The following SLC25A13 variants were observed in gnomAD, a reference collection of about 807,000 sequenced individuals.
The protein encoded by SLC25A13 is solute carrier family 25 member 13, also known as electrogenic aspartate/glutamate antiporter SLC25A13, mitochondrial.
SLC25A13 carries 70 observed loss-of-function variants against 85.5 expected under a neutral mutation model. The ratio of observed to expected loss-of-function variants is 0.82; its 90% CI spans 0.68 to 1.00. The LOEUF is 1.00. Ranked by LOEUF, SLC25A13 falls within the 50% of genes least tolerant of loss-of-function variation. SLC25A13 has a pLI of 0.00. For missense variants in SLC25A13, 765 were observed against 819.8 expected (o/e 0.93, Z 0.82); for synonymous variants, 259 against 288.7 (o/e 0.90, Z 1.04).
intron 2 of SLC25A13, among the ~76,000 whole-genome samples, chr7:96,289,952 T>A (rs1443144289): frequency 1.3e-5 from 2 of 152,062 alleles, no homozygotes; most frequent in African/African-American, 4.8e-5. Context: ...CCAAGACACA[T>A]AACTGTCAGA....
At chr7:96,283,710 ACCT>A in intron 2 of SLC25A13, 1 of 279,630 alleles carries the variant, frequency 3.6e-6, no homozygotes, top group East Asian at 1.1e-4. Flanking sequence ...AAGAAGGTGT[ACCT>A]GGTGTCAGCC....
Position 96,168,098 on chromosome 7 carries a change from GAAAAAAA to G in SLC25A13, c.1311+1940_1311+1946del, listed in dbSNP as rs543491037. 1.4e-3 allele frequency among the ~76,000 whole-genome samples: 27 copies of G among 19,712 alleles called. No homozygotes were observed. The South Asian group carries it at 0.036, about 26-fold the overall frequency. 12.9% of individuals were successfully genotyped at this position (19,712 alleles called of 152,430 possible). A position where few individuals can be genotyped will look rare whatever the true frequency, so the allele number is the denominator to read the frequency against. On this transcript the variant is annotated intron_variant, in intron 13 of 17. Transcript: ENST00000265631. ...CTGGTGACAGAGCGAAACTCTGTCT[GAAAAAAA>G]AAAAAAAAAAAAAAAAAAAAAAAAG...
intron 3 of SLC25A13, among the ~76,000 whole-genome samples, chr7:96,255,872 A>T (rs1214909299): frequency 6.6e-6 from 1 of 152,190 alleles, no homozygotes; most frequent in Non-Finnish European, 1.5e-5. Context: ...CTAACAGTGA[A>T]TCTCTCTGCA....
At chr7:96,181,222 T>G (rs1279692519) in intron 11 of SLC25A13, among the ~76,000 whole-genome samples, 4 of 152,088 alleles carry the variant, frequency 2.6e-5, no homozygotes, top group Admixed American at 1.3e-4. Context: ...GGAGAGAGGC[T>G]CCTGGAAATA....
Position 96,193,197 on chromosome 7 carries a change from A to G in SLC25A13, c.469-14T>C. On this transcript the variant is annotated splice_polypyrimidine_tract_variant and intron_variant, in intron 5 of 17. Coordinates refer to ENST00000265631, the MANE Select transcript of SLC25A13 (RefSeq NM_014251.3). ...CAGTTGTATTTCCTACAAATAAAGA[A>G]AGTAAAATACTTAATTTATGCTTCT... is the stretch of plus-strand genomic sequence containing the variant. The G allele has an allele frequency of 1.2e-6, 2 of 1,613,778 alleles. No individual in the cohort carries two copies. The highest frequency in any genetic ancestry group is 2.2e-5 in the East Asian group (1 of 44,860).
At chr7:96,228,510 T>C (rs774031602) in intron 4 of SLC25A13, among the ~76,000 whole-genome samples, 4 of 152,202 alleles carry the variant, frequency 2.6e-5, no homozygotes, top group African/African-American at 9.6e-5. Context: ...CATCATGCAA[T>C]GATGGCATGA....
In SLC25A13 at chr7:96,135,077, TA is replaced by T. The variant is rs573575677; in HGVS notation, c.1453-3197del. Among the ~76,000 whole-genome samples, 391 of 152,242 alleles carry T rather than the reference TA, an allele frequency of 2.6e-3. 2 individuals are homozygous for T. Among genetic ancestry groups the T allele is most frequent in the Non-Finnish European group, 4.5e-3 (308 of 68,004 alleles). ...TGAGCACCTGTAGAAATCAAGCTCT[TA>T]AGCTTCCTCACCTGTCAAAAATACC... On this transcript the variant is annotated intron_variant, in intron 14 of 17. Coordinates refer to ENST00000265631, the MANE Select transcript of SLC25A13 (RefSeq NM_014251.3).
At chr7:96,134,687 T>C (rs1245609075) in intron 14 of SLC25A13, among the ~76,000 whole-genome samples, 2 of 151,320 alleles carry the variant, frequency 1.3e-5, no homozygotes. Flanking sequence ...CCTGTTACAA[T>C]GGCATCTACA....
intron 2 of SLC25A13, among the ~76,000 whole-genome samples, chr7:96,284,435 T>A (rs1207695155): frequency 6.6e-6 from 1 of 152,248 alleles, no homozygotes; most frequent in Non-Finnish European, 1.5e-5. Flanking sequence ...ATGCTTTTGC[T>A]GACAAAACAA....
intron 14 of SLC25A13, among the ~76,000 whole-genome samples, chr7:96,134,033 T>C (rs1792154913): frequency 6.6e-6 from 1 of 151,778 alleles, no homozygotes; most frequent in Non-Finnish European, 1.5e-5. Flanking sequence ...TTGTTTTTTT[T>C]TTTTGATATG....
intron 5 of SLC25A13, among the ~76,000 whole-genome samples, chr7:96,195,572 C>T (rs964452517): frequency 6.6e-6 from 1 of 152,158 alleles, no homozygotes; most frequent in East Asian, 1.9e-4. Flanking sequence ...CTCCCTCCCC[C>T]TCCATGGAAA....
intron 11 of SLC25A13, among the ~76,000 whole-genome samples, chr7:96,183,168 C>T (rs560882930): frequency 5.9e-5 from 9 of 152,222 alleles, no homozygotes; most frequent in African/African-American, 1.9e-4. Flanking sequence ...GAGGGCAGAG[C>T]AAAGATCAAA....
At chr7:96,267,881 G>A (rs1050579836) in intron 3 of SLC25A13, among the ~76,000 whole-genome samples, 1 of 152,068 alleles carries the variant, frequency 6.6e-6, no homozygotes, top group Non-Finnish European at 1.5e-5. Flanking sequence ...TGACAAGGCG[G>A]TATGGTGAAT....
chr7:96,241,050 GAAAGAAAGA>G (rs1796968413), intron 3 of SLC25A13, among the ~76,000 whole-genome samples: 1 of 62,416 alleles, frequency 1.6e-5, no homozygotes, highest in Non-Finnish European at 3.6e-5. Flanking sequence ...AAGAAAGAAA[GAAAGAAAGA>G]AAGAAAGAAA....
intron 1 of SLC25A13, among the ~76,000 whole-genome samples, chr7:96,312,025 A>G (rs1799970005): frequency 6.6e-6 from 1 of 152,218 alleles, no homozygotes; most frequent in Non-Finnish European, 1.5e-5. Flanking sequence ...AGTATTGAAA[A>G]TGCAGCCAAG....
chr7:96,222,063 T>A (rs987910095), intron 4 of SLC25A13, among the ~76,000 whole-genome samples: 6 of 152,250 alleles, frequency 3.9e-5, no homozygotes, highest in Non-Finnish European at 7.3e-5. Flanking sequence ...ATAGATTTAT[T>A]TTTTCCGCAG....
intron 14 of SLC25A13, among the ~76,000 whole-genome samples, chr7:96,133,405 G>A (rs1474364171): frequency 6.6e-6 from 1 of 152,166 alleles, no homozygotes; most frequent in Admixed American, 6.5e-5. Flanking sequence ...CGTCCTGGAT[G>A]GGTAATCTAT....
At chr7:96,289,423 G>A (rs1053141309) in intron 2 of SLC25A13, among the ~76,000 whole-genome samples, 4 of 152,182 alleles carry the variant, frequency 2.6e-5, no homozygotes, top group Non-Finnish European at 5.9e-5. Context: ...ACTTTCACGA[G>A]TTGAGAGAAG....
intron 5 of SLC25A13, among the ~76,000 whole-genome samples, chr7:96,196,628 T>TAAA (rs1795074454): frequency 6.6e-6 from 1 of 152,186 alleles, no homozygotes; most frequent in African/African-American, 2.4e-5. Flanking sequence ...AGAAAGTTAT[T>TAAA]TTAAGTCTGA....
Sources: gnomAD v4.1 joint callset for allele counts (sites outside exome capture counted in the v4.1 genomes callset) on GRCh38, gnomAD v4.1.1 for gene constraint, MANE v1.5 for transcripts, NCBI Gene and HGNC (gene_info 2026-07-23, HGNC 2026-07-21) for gene names.